Variants in TMEM132B observed in about 807,000 individuals in gnomAD.
TMEM132B encodes the protein transmembrane protein 132B.
Under a neutral mutation model 90.8 loss-of-function variants are expected in TMEM132B, and 18 were observed. The observed-to-expected ratio is 0.20, with a 90% CI of 0.14 to 0.29. The LOEUF is 0.29. TMEM132B is among the 10% of genes least tolerant of loss of function. TMEM132B has a pLI of 1.00. For synonymous variants in TMEM132B, 504 were observed against 523.3 expected, an observed-to-expected ratio of 0.96 and a Z score of 0.50; for missense variants, 1,096 against 1,326.8, an observed-to-expected ratio of 0.83 and a Z score of 2.70.
At chr12:125,331,071 G>C (rs1030053865) in intron 1 of TMEM132B, among the ~76,000 whole-genome samples, 1 of 152,240 alleles carries the variant, frequency 6.6e-6, no homozygotes, top group African/African-American at 2.4e-5. Context: ...TCCTCGTGCA[G>C]CGCTGGCGGC....
intron 1 of TMEM132B, among the ~76,000 whole-genome samples, chr12:125,303,893 A>G (rs1233260381): frequency 6.6e-6 from 1 of 152,210 alleles, no homozygotes; most frequent in Non-Finnish European, 1.5e-5. Context: ...CCCTTATCAC[A>G]TAGGAATTTG....
Position 125,406,608 on chromosome 12 carries a change from T to G in TMEM132B, c.960-8923T>G, listed in dbSNP as rs1019119129. On this transcript the variant is annotated intron_variant, in intron 2 of 8. Transcript: ENST00000682704. This position sits in a 1 kb window ranked among gnomAD's most constrained non-coding sequence, Gnocchi z 8.3. Reference sequence around the variant, plus strand: ...ACGTCGGAGGACTGGGTGGATGATATGGGGTATAAAAATATTTCACAGTCT... The same window carrying G: ...ACGTCGGAGGACTGGGTGGATGATAGGGGGTATAAAAATATTTCACAGTCT... Among the ~76,000 whole-genome samples the G allele has an allele frequency of 1.3e-5, 2 of 152,138 alleles. No homozygotes were observed. Among genetic ancestry groups the G allele is most frequent in the African/African-American group, 4.8e-5 (2 of 41,440 alleles).
chr12:125,638,499 C>T (rs1280805499), intron 5 of TMEM132B, among the ~76,000 whole-genome samples: 2 of 152,136 alleles, frequency 1.3e-5, no homozygotes, highest in Non-Finnish European at 2.9e-5. Flanking sequence ...AAGTGAATAT[C>T]TAAGGTTTTT....
chr12:125,391,491 T>A (rs1240804907), intron 2 of TMEM132B, among the ~76,000 whole-genome samples: 1 of 152,104 alleles, frequency 6.6e-6, no homozygotes, highest in African/African-American at 2.4e-5. Flanking sequence ...AGATGGGACA[T>A]GGGTAGCCTT....
intron 3 of TMEM132B, among the ~76,000 whole-genome samples, chr12:125,510,568 A>G (rs569557542): frequency 4.3e-4 from 66 of 152,338 alleles, no homozygotes; most frequent in African/African-American, 1.4e-3. Context: ...TGTTTACGTA[A>G]AATATTTCTT....
intron 5 of TMEM132B, among the ~76,000 whole-genome samples, chr12:125,617,561 T>C (rs1292476209): frequency 6.6e-6 from 1 of 152,038 alleles, no homozygotes; most frequent in Non-Finnish European, 1.5e-5. Context: ...ATCAAGCTGG[T>C]CTCAAACTCC....
chr12:125,279,296 C>G (rs1461165498), intron 1 of TMEM132B, among the ~76,000 whole-genome samples: 1 of 152,202 alleles, frequency 6.6e-6, no homozygotes, highest in Non-Finnish European at 1.5e-5. Flanking sequence ...AGACTGTTAT[C>G]CCTAGAAAGG....
At chr12:125,500,694 G>C (rs369375935) in intron 3 of TMEM132B, among the ~76,000 whole-genome samples, 2 of 152,310 alleles carry the variant, frequency 1.3e-5, no homozygotes, top group South Asian at 2.1e-4. Context: ...GTACTATCAG[G>C]GAAGAGTAAA....
At chr12:125,614,068 G>T (rs1331852450) in intron 5 of TMEM132B, among the ~76,000 whole-genome samples, 1 of 152,078 alleles carries the variant, frequency 6.6e-6, no homozygotes, top group Non-Finnish European at 1.5e-5. Flanking sequence ...GGAAGAAAAA[G>T]AAATATACTT....
intron 3 of TMEM132B, among the ~76,000 whole-genome samples, chr12:125,494,148 C>T (rs1264827548): frequency 7.4e-6 from 1 of 134,328 alleles, no homozygotes; most frequent in Non-Finnish European, 1.6e-5. Context: ...GCATCCCCTC[C>T]TCTCCTTCCT....
intron 2 of TMEM132B, among the ~76,000 whole-genome samples, chr12:125,393,559 G>A (rs323851): frequency 0.51 from 77,374 of 151,510 alleles, 20,503 homozygotes; most frequent in East Asian, 0.88. Context: ...AGGGCTGGGG[G>A]GTGGTGTGAG....
At chr12:125,566,251 A>T (rs1884655326) in intron 4 of TMEM132B, among the ~76,000 whole-genome samples, 1 of 152,184 alleles carries the variant, frequency 6.6e-6, no homozygotes. Flanking sequence ...TTTCCTCTGA[A>T]CAAATATTTA....
chr12:125,190,370 A>T (rs1022042616), intron 1 of TMEM132B, among the ~76,000 whole-genome samples: 18 of 146,862 alleles, frequency 1.2e-4, no homozygotes, highest in Non-Finnish European at 2.2e-4. Context: ...CTTAGTGGTG[A>T]TGGTGATGGG....
At chr12:125,367,495 C>T (rs1878170324) in intron 2 of TMEM132B, among the ~76,000 whole-genome samples, 1 of 152,122 alleles carries the variant, frequency 6.6e-6, no homozygotes, top group Admixed American at 6.5e-5. Context: ...TGAGCATTCT[C>T]TCTTTCTCTT....
intron 2 of TMEM132B, among the ~76,000 whole-genome samples, chr12:125,358,054 G>A (rs1877839806): frequency 6.6e-6 from 1 of 152,146 alleles, no homozygotes; most frequent in South Asian, 2.1e-4. Context: ...CCTATTATAT[G>A]TGGCATATCT....
chr12:125,223,918 A>G (rs891722266), intron 1 of TMEM132B, among the ~76,000 whole-genome samples: 2 of 152,142 alleles, frequency 1.3e-5, no homozygotes, highest in African/African-American at 4.8e-5. Flanking sequence ...CTGGAATTAC[A>G]GGCGCCTGCC....
rs1264390443 is a variant in TMEM132B at position 125,656,394 on chromosome 12, G to A, written c.*1684G>A. On this transcript the variant is annotated 3_prime_UTR_variant, in exon 9 of 9. Coordinates refer to ENST00000682704, the MANE Select transcript of TMEM132B (RefSeq NM_001366854.1). ...CTCTTATTATAGATTTCCTTGGGTG[G>A]GAACATGACAACCCCGCCTCCTCTA... 6.6e-6 allele frequency: 1 copy of A among 152,154 alleles called. No homozygotes were observed. The highest frequency in any genetic ancestry group is 2.4e-5 in the African/African-American group (1 of 41,426). The allele number at this position is 152,154 out of a possible 1,614,324, so 9.4% of individuals were successfully genotyped here.
intron 6 of TMEM132B, among the ~76,000 whole-genome samples, chr12:125,647,411 CAT>C (rs1337922096): frequency 6.6e-6 from 1 of 152,162 alleles, no homozygotes; most frequent in African/African-American, 2.4e-5. Flanking sequence ...TGTGAAGACA[CAT>C]AGTAATTAAA....
intron 2 of TMEM132B, among the ~76,000 whole-genome samples, chr12:125,398,216 A>G (rs1006870742): frequency 2.0e-5 from 3 of 152,120 alleles, no homozygotes; most frequent in Admixed American, 6.5e-5. Flanking sequence ...CCTAACCCTA[A>G]TCCTCTAAAT....
Sources: gnomAD v4.1 joint callset for allele counts (sites outside exome capture counted in the v4.1 genomes callset) on GRCh38, gnomAD v4.1.1 for gene constraint, Gnocchi (gnomAD v3.1) non-coding constraint, MANE v1.5 for transcripts, NCBI Gene and HGNC (gene_info 2026-07-23, HGNC 2026-07-21) for gene names.